Variants in CNTN4 observed in about 807,000 individuals in gnomAD.
The protein encoded by CNTN4 is contactin 4.
Under a neutral mutation model 122.5 loss-of-function variants are expected in CNTN4, and 77 were observed. The observed-to-expected ratio is 0.63, with a 90% CI of 0.52 to 0.76. CNTN4 has a LOEUF of 0.76. Ranked by LOEUF, CNTN4 falls within the 30% of genes least tolerant of loss-of-function variation. The pLI, the probability that CNTN4 is intolerant of heterozygous loss-of-function variation, is 0.00. For missense variants in CNTN4, 1,256 were observed against 1,259.1 expected (o/e 1.00, Z 0.04); for synonymous variants, 512 against 447.0 (o/e 1.15, Z -1.83).
chr3:2,968,214 T>A (rs1692526849), intron 13 of CNTN4, among the ~76,000 whole-genome samples: 1 of 152,224 alleles, frequency 6.6e-6, no homozygotes, highest in African/African-American at 2.4e-5. Context: ...TTAAGTTTCT[T>A]GGAAGTTGAT....
At chr3:2,928,599 A>T (rs1032226479) in intron 13 of CNTN4, among the ~76,000 whole-genome samples, 18 of 152,202 alleles carry the variant, frequency 1.2e-4, no homozygotes, top group African/African-American at 3.4e-4. Context: ...AATCTTAGGA[A>T]ACAAAAGGCA....
At chr3:2,559,810 G>A (rs1212820263) in intron 3 of CNTN4, among the ~76,000 whole-genome samples, 1 of 152,166 alleles carries the variant, frequency 6.6e-6, no homozygotes, top group Non-Finnish European at 1.5e-5. Flanking sequence ...TGATACTGAG[G>A]TGTACTTCTG....
intron 8 of CNTN4, among the ~76,000 whole-genome samples, chr3:2,881,923 C>G (rs928111618): frequency 2.0e-5 from 3 of 152,196 alleles, no homozygotes; most frequent in Non-Finnish European, 4.4e-5. Context: ...AGAGCCCTAT[C>G]TTTTTATAGT....
chr3:2,400,854 TA>T (rs942828569), intron 3 of CNTN4, among the ~76,000 whole-genome samples: 2 of 151,446 alleles, frequency 1.3e-5, no homozygotes, highest in African/African-American at 4.8e-5. Context: ...TAAATTTATT[TA>T]TATATTACTA....
chr3:2,275,535 G>A (rs539899308), intron 2 of CNTN4, among the ~76,000 whole-genome samples: 2 of 152,128 alleles, frequency 1.3e-5, no homozygotes, highest in South Asian at 2.1e-4. Flanking sequence ...TATTATTAAT[G>A]TGAAATTCAC....
At chr3:2,400,745 G>A (rs2046827982) in intron 3 of CNTN4, among the ~76,000 whole-genome samples, 1 of 151,026 alleles carries the variant, frequency 6.6e-6, no homozygotes, top group Non-Finnish European at 1.5e-5. Context: ...ACTTTGTGGT[G>A]GCTTTTATTT....
chr3:2,456,507 T>TA (rs2049007932), intron 3 of CNTN4, among the ~76,000 whole-genome samples: 1 of 152,152 alleles, frequency 6.6e-6, no homozygotes, highest in Admixed American at 6.6e-5. Flanking sequence ...GTTAAGGAGT[T>TA]ACTCAGCATT....
chr3:2,861,327 C>T (rs2093669687), intron 7 of CNTN4, among the ~76,000 whole-genome samples: 1 of 152,124 alleles, frequency 6.6e-6, no homozygotes, highest in African/African-American at 2.4e-5. Context: ...AACTGCTCTC[C>T]AGCACACCTC....
In CNTN4 at chr3:2,612,107, T is replaced by TACACACACACAC. The variant is rs58025362; in HGVS notation, c.55+40571_55+40582dup. Among the ~76,000 whole-genome samples, 173 of 150,204 alleles carry TACACACACACAC rather than the reference T, an allele frequency of 1.2e-3. 2 individuals are homozygous for TACACACACACAC. Among genetic ancestry groups the TACACACACACAC allele is most frequent in the Non-Finnish European group, 2.1e-4 (14 of 67,516 alleles). ...TAACCAGTTTTATATATACATATAA[T>TACACACACACAC]ACACACACACACACACACACACACA... is the stretch of plus-strand genomic sequence containing the variant. On this transcript the variant is annotated intron_variant, in intron 4 of 24. Coordinates refer to ENST00000418658, the MANE Select transcript of CNTN4 (RefSeq NM_175607.3).
chr3:2,263,230 G>T (rs2040910454), intron 2 of CNTN4, among the ~76,000 whole-genome samples: 1 of 152,064 alleles, frequency 6.6e-6, no homozygotes, highest in Non-Finnish European at 1.5e-5. Flanking sequence ...GGTAGATTGT[G>T]AACTACATGT....
At chr3:2,513,992 C>T (rs888870237) in intron 3 of CNTN4, among the ~76,000 whole-genome samples, 26 of 152,286 alleles carry the variant, frequency 1.7e-4, no homozygotes, top group African/African-American at 6.3e-4. Flanking sequence ...TGCATGCATA[C>T]AAATCTACCC....
At chr3:3,042,051 GC>G in intron 20 of CNTN4, among the ~76,000 whole-genome samples, 1 of 152,274 alleles carries the variant, frequency 6.6e-6, no homozygotes, top group South Asian at 2.1e-4. Flanking sequence ...GGAATTGCTG[GC>G]TATGAAAACT....
chr3:2,790,677 G>A (rs566420449), intron 6 of CNTN4, among the ~76,000 whole-genome samples: 1 of 152,294 alleles, frequency 6.6e-6, no homozygotes, highest in South Asian at 2.1e-4. Context: ...TGCTTTGGTT[G>A]TAGCAGGGCA....
intron 15 of CNTN4, among the ~76,000 whole-genome samples, chr3:3,026,934 T>G (rs138014556): frequency 0.054 from 8,203 of 152,234 alleles, 365 homozygotes; most frequent in Admixed American, 0.09. Context: ...TTTTTTCTGC[T>G]CTAACGCACC....
intron 3 of CNTN4, among the ~76,000 whole-genome samples, chr3:2,442,252 T>A (rs1265738184): frequency 6.6e-6 from 1 of 152,104 alleles, no homozygotes; most frequent in African/African-American, 2.4e-5. Context: ...TTTTGTTAAA[T>A]CGAGGAAGGA....
At chr3:2,594,507 C>T (rs1475840963) in intron 4 of CNTN4, among the ~76,000 whole-genome samples, 3 of 150,548 alleles carry the variant, frequency 2.0e-5, no homozygotes, top group African/African-American at 7.3e-5. Flanking sequence ...CAACCTCCCT[C>T]TCCCAGGCTC....
chr3:2,597,318 G>T (rs1192318704), intron 4 of CNTN4, among the ~76,000 whole-genome samples: 3 of 152,132 alleles, frequency 2.0e-5, no homozygotes, highest in African/African-American at 7.2e-5. Context: ...AAAGGAAGGG[G>T]TAATGCCTCT....
chr3:2,214,697 A>G lies in CNTN4; in HGVS notation c.-145+114058A>G, dbSNP rs78073442. ...TCCACTCAATCTCTTGAAATCAATC[A>G]TAATGATCAAGTGAAAACCATCAAA... is the stretch of plus-strand genomic sequence containing the variant. On this transcript the variant is annotated intron_variant, in intron 2 of 24. Transcript: ENST00000418658. Among the ~76,000 whole-genome samples, 139 of 152,314 alleles carry G rather than the reference A, an allele frequency of 9.1e-4. No homozygotes were observed. The Middle Eastern group carries it at 0.01, about 11-fold the overall frequency.
At chr3:2,133,751 T>C (rs1214396357) in intron 2 of CNTN4, among the ~76,000 whole-genome samples, 2 of 147,772 alleles carry the variant, frequency 1.4e-5, no homozygotes, top group East Asian at 4.1e-4. Flanking sequence ...CTTGAATTGT[T>C]GTTAGGAAAT....
Sources: gnomAD v4.1 joint callset for allele counts (sites outside exome capture counted in the v4.1 genomes callset) on GRCh38, gnomAD v4.1.1 for gene constraint, MANE v1.5 for transcripts, NCBI Gene and HGNC (gene_info 2026-07-23, HGNC 2026-07-21) for gene names.